Variants in PRKCA observed in about 807,000 individuals in gnomAD.
PRKCA encodes protein kinase C alpha type.
Under a neutral mutation model 87.0 loss-of-function variants are expected in PRKCA, and 27 were observed. The ratio of observed to expected loss-of-function variants is 0.31; its 90% confidence interval spans 0.23 to 0.43. The LOEUF is 0.43. Ranked by LOEUF, PRKCA falls within the 20% of genes least tolerant of loss-of-function variation. PRKCA has a pLI of 1.00. For synonymous variants in PRKCA, 329 were observed against 311.1 expected, an observed-to-expected ratio of 1.06 and a Z score of -0.61; for missense variants, 518 against 852.3, an observed-to-expected ratio of 0.61 and a Z score of 4.88.
chr17:66,807,768 GA>G lies in PRKCA; in HGVS notation c.*3733del, dbSNP rs1352746388. ...CTTAGGCGAGTGTGGTGACTTCCTG[GA>G]AGGAGGATGCAGACTTCCAGAGAGC... On this transcript the variant is annotated 3_prime_UTR_variant, in exon 17 of 17. Coordinates refer to ENST00000413366, the MANE Select transcript of PRKCA (RefSeq NM_002737.3). The surrounding 1 kb of genome is among the most constrained non-coding windows in gnomAD (Gnocchi z 4.3). The G allele has an allele frequency of 6.6e-6, 1 of 152,288 alleles. No homozygotes were observed. The highest frequency in any genetic ancestry group is 1.5e-5 in the Non-Finnish European group (1 of 68,084). The allele number at this position is 152,288 out of a possible 1,614,324, so 9.4% of individuals were successfully genotyped here. A position where few individuals can be genotyped will look rare whatever the true frequency, so the allele number is the denominator to read the frequency against.
intron 13 of PRKCA, among the ~76,000 whole-genome samples, chr17:66,765,452 A>C (rs766880385): frequency 4.6e-4 from 58 of 124,926 alleles, no homozygotes; most frequent in South Asian, 1.5e-3. Context: ...ATATATATAT[A>C]TATCCATATA....
intron 2 of PRKCA, among the ~76,000 whole-genome samples, chr17:66,377,753 C>T (rs1909547379): frequency 8.8e-6 from 1 of 114,000 alleles, no homozygotes; most frequent in African/African-American, 3.4e-5. Context: ...GAGGCAGGAC[C>T]TCACTCTGTC....
chr17:66,545,732 T>TA (rs1463469680), intron 3 of PRKCA, among the ~76,000 whole-genome samples: 2 of 152,180 alleles, frequency 1.3e-5, no homozygotes, highest in African/African-American at 2.4e-5. Flanking sequence ...AGAAGAACAT[T>TA]AAAAAAATCT....
intron 8 of PRKCA, among the ~76,000 whole-genome samples, chr17:66,710,288 C>T (rs111775636): frequency 6.6e-6 from 1 of 152,034 alleles, no homozygotes; most frequent in African/African-American, 2.4e-5. Flanking sequence ...TCGGGGTCAC[C>T]GTCTGTCTGC....
chr17:66,736,841 T>C (rs528194305), intron 10 of PRKCA, among the ~76,000 whole-genome samples: 2 of 152,264 alleles, frequency 1.3e-5, no homozygotes, highest in East Asian at 3.9e-4. Context: ...ATCACCACAC[T>C]CCTTCGTGTA....
chr17:66,496,614 A>C (rs924531100), intron 3 of PRKCA, among the ~76,000 whole-genome samples: 6 of 151,968 alleles, frequency 3.9e-5, no homozygotes, highest in African/African-American at 1.5e-4. Flanking sequence ...ATCACCCTTC[A>C]GTTTATTTCC....
intron 11 of PRKCA, among the ~76,000 whole-genome samples, chr17:66,740,692 A>G (rs1176933065): frequency 6.6e-6 from 1 of 152,184 alleles, no homozygotes; most frequent in African/African-American, 2.4e-5. Flanking sequence ...CAGATTGTAA[A>G]ATAAAGCTTG....
intron 3 of PRKCA, among the ~76,000 whole-genome samples, chr17:66,577,081 G>T (rs1396088039): frequency 6.6e-6 from 1 of 152,056 alleles, no homozygotes; most frequent in Non-Finnish European, 1.5e-5. Flanking sequence ...TGTTGCCCAG[G>T]CTGGTCTTGA....
intron 2 of PRKCA, among the ~76,000 whole-genome samples, chr17:66,486,908 G>A (rs1308349945): frequency 2.6e-5 from 4 of 152,012 alleles, no homozygotes; most frequent in Non-Finnish European, 4.4e-5. Context: ...GGCAGCGTGT[G>A]CACAGGTATC....
At chr17:66,713,152 A>G (rs1257050460) in intron 8 of PRKCA, among the ~76,000 whole-genome samples, 1 of 147,420 alleles carries the variant, frequency 6.8e-6, no homozygotes, top group African/African-American at 2.5e-5. Context: ...CCCGGGTTCA[A>G]GCAATTCTCC....
At chr17:66,459,283 A>AG (rs1914728122) in intron 2 of PRKCA, among the ~76,000 whole-genome samples, 1 of 151,982 alleles carries the variant, frequency 6.6e-6, no homozygotes, top group Non-Finnish European at 1.5e-5. Context: ...CAGGAGGCTG[A>AG]GGCAGGAGGA....
intron 3 of PRKCA, among the ~76,000 whole-genome samples, chr17:66,549,541 G>A (rs767332752): frequency 2.2e-4 from 34 of 152,164 alleles, no homozygotes; most frequent in African/African-American, 5.8e-4. Flanking sequence ...TGCCTGTGTC[G>A]TAGCCACCTG....
intron 2 of PRKCA, among the ~76,000 whole-genome samples, chr17:66,454,879 A>G (rs1914509180): frequency 6.6e-6 from 1 of 152,226 alleles, no homozygotes; most frequent in Non-Finnish European, 1.5e-5. Context: ...TCTACTGGAG[A>G]TTCCTTCCTT....
chr17:66,308,933 A>G (rs78357146), intron 2 of PRKCA, among the ~76,000 whole-genome samples: 3,466 of 152,088 alleles, frequency 0.023, 60 homozygotes, highest in Middle Eastern at 0.048. Context: ...ATTCTTCTGC[A>G]GGAGAATAAC....
chr17:66,385,037 C>T (rs1909980759), intron 2 of PRKCA, among the ~76,000 whole-genome samples: 1 of 152,166 alleles, frequency 6.6e-6, no homozygotes, highest in African/African-American at 2.4e-5. Flanking sequence ...GCAGTATTAT[C>T]TTTCTGAATT....
chr17:66,470,915 A>C (rs73996231), intron 2 of PRKCA, among the ~76,000 whole-genome samples: 9,675 of 152,218 alleles, frequency 0.064, 1,024 homozygotes, highest in African/African-American at 0.22. Flanking sequence ...TATAATTAGA[A>C]AGCCCTCTAG....
At chr17:66,370,123 G>A (rs1909003135) in intron 2 of PRKCA, among the ~76,000 whole-genome samples, 1 of 152,050 alleles carries the variant, frequency 6.6e-6, no homozygotes, top group Admixed American at 6.6e-5. Flanking sequence ...GTACTTGATG[G>A]AAGCCTTCCT....
chr17:66,635,384 C>T (rs142654536), intron 3 of PRKCA, among the ~76,000 whole-genome samples: 130 of 152,324 alleles, frequency 8.5e-4, no homozygotes, highest in African/African-American at 2.9e-3. Context: ...ACCTGGAAGC[C>T]GCAAGCCTTA....
At chr17:66,389,625 G>T (rs1258799787) in intron 2 of PRKCA, among the ~76,000 whole-genome samples, 2 of 152,196 alleles carry the variant, frequency 1.3e-5, no homozygotes, top group Admixed American at 1.3e-4. Flanking sequence ...AGGATGGTTG[G>T]CAGTGAGGGG....
Sources: gnomAD v4.1 joint callset for allele counts (sites outside exome capture counted in the v4.1 genomes callset) on GRCh38, gnomAD v4.1.1 for gene constraint, Gnocchi (gnomAD v3.1) non-coding constraint, MANE v1.5 for transcripts, NCBI Gene and HGNC (gene_info 2026-07-23, HGNC 2026-07-21) for gene names.